The following DSCAM variants were observed in gnomAD, a reference collection of about 807,000 sequenced individuals.
DSCAM encodes cell adhesion molecule DSCAM.
DSCAM carries 47 observed loss-of-function variants against 217.7 expected under a neutral mutation model. That is an observed-to-expected ratio of 0.22 (90% CI 0.17 to 0.28). The LOEUF is 0.28. Among genes scored for constraint, DSCAM ranks in the 10% least tolerant of loss-of-function variants. DSCAM has a pLI of 1.00. For synonymous variants in DSCAM, 1,056 were observed against 1,015.3 expected, an observed-to-expected ratio of 1.04 and a Z score of -0.76; for missense variants, 2,080 against 2,618.3, an observed-to-expected ratio of 0.79 and a Z score of 4.49.
intron 3 of DSCAM, among the ~76,000 whole-genome samples, chr21:40,521,308 T>C (rs1343048442): frequency 6.6e-6 from 1 of 152,226 alleles, no homozygotes; most frequent in Non-Finnish European, 1.5e-5. Context: ...GTAGGTCCAC[T>C]TTTAGTTTTT....
chr21:40,139,645 G>A (rs1379598101), intron 18 of DSCAM, among the ~76,000 whole-genome samples: 1 of 151,930 alleles, frequency 6.6e-6, no homozygotes, highest in Non-Finnish European at 1.5e-5. Flanking sequence ...TTTCATAGGT[G>A]TATGTGGTGT....
chr21:40,111,291 C>A (rs950287039), intron 20 of DSCAM, among the ~76,000 whole-genome samples: 18 of 151,942 alleles, frequency 1.2e-4, no homozygotes, highest in Non-Finnish European at 8.8e-5. Flanking sequence ...ATTTTCAACC[C>A]AGAATTTCAT....
intron 3 of DSCAM, among the ~76,000 whole-genome samples, chr21:40,392,453 T>C (rs987390639): frequency 2.0e-5 from 3 of 152,184 alleles, no homozygotes; most frequent in African/African-American, 7.2e-5. Context: ...TAGAAAATGG[T>C]ACTCCTGTAA....
intron 11 of DSCAM, among the ~76,000 whole-genome samples, chr21:40,202,163 C>T (rs1001700778): frequency 8.5e-5 from 13 of 152,144 alleles, no homozygotes; most frequent in African/African-American, 2.9e-4. Flanking sequence ...AATAGCCTGC[C>T]AACAACCCTG....
At chr21:40,571,026 CAACAT>C (rs947579435) in intron 3 of DSCAM, among the ~76,000 whole-genome samples, 1 of 151,746 alleles carries the variant, frequency 6.6e-6, no homozygotes, top group Non-Finnish European at 1.5e-5. Context: ...TAGCAAACCA[CAACAT>C]AAGATTTTAA....
At chr21:40,269,966 A>T (rs1004949324) in intron 11 of DSCAM, among the ~76,000 whole-genome samples, 4 of 152,224 alleles carry the variant, frequency 2.6e-5, no homozygotes, top group African/African-American at 9.6e-5. Context: ...TTTTTAGCAC[A>T]GAGAAAGGAG....
At chr21:40,453,690 CTTCTT>C (rs1459428534) in intron 3 of DSCAM, among the ~76,000 whole-genome samples, 8 of 152,330 alleles carry the variant, frequency 5.3e-5, no homozygotes, top group South Asian at 2.1e-4. Context: ...TGCTACAACT[CTTCTT>C]TTAAGAACAG....
chr21:40,339,525 C>T, intron 6 of DSCAM, 110 bp from the exon 7 acceptor site: 1 of 1,135,738 alleles, frequency 8.8e-7, no homozygotes, highest in South Asian at 1.6e-5. Context: ...TTAAACATTA[C>T]CAAAAAGGTC....
intron 32 of DSCAM, among the ~76,000 whole-genome samples, chr21:40,041,671 G>A (rs2088752812): frequency 6.6e-6 from 1 of 152,084 alleles, no homozygotes; most frequent in South Asian, 2.1e-4. Context: ...TCACAACCCG[G>A]ACGATTCACA....
intron 16 of DSCAM, among the ~76,000 whole-genome samples, chr21:40,163,620 C>A (rs756202021): frequency 3.7e-4 from 56 of 152,028 alleles, no homozygotes; most frequent in Non-Finnish European, 6.0e-4. Flanking sequence ...TCTTGAATAT[C>A]TTTCTATGGG....
At chr21:40,578,309 G>A (rs970432186) in intron 3 of DSCAM, among the ~76,000 whole-genome samples, 6 of 152,306 alleles carry the variant, frequency 3.9e-5, no homozygotes, top group Non-Finnish European at 7.3e-5. Context: ...CTTCTGGGTA[G>A]GGTGGGGACT....
chr21:40,710,103 T>G (rs2090762807), intron 1 of DSCAM, among the ~76,000 whole-genome samples: 1 of 152,230 alleles, frequency 6.6e-6, no homozygotes, highest in Non-Finnish European at 1.5e-5. Context: ...TGATGAGCTT[T>G]TTTTCACGTT....
chr21:40,549,482 T>C (rs1391852440), intron 3 of DSCAM, among the ~76,000 whole-genome samples: 2 of 152,180 alleles, frequency 1.3e-5, no homozygotes, highest in African/African-American at 4.8e-5. Context: ...CAGTGGTCCT[T>C]ACACTACCTT....
rs139673647 is a variant in DSCAM, at chr21:40,077,740, A to G, written c.4711+947T>C. On this transcript the variant is annotated intron_variant, in intron 26 of 32. Transcript: ENST00000400454. ...CAACGTGGTCTTGGCTTGGCTGTCAATAAAGGGTTTGGGTGTTTCTTGGTT... is the reference window on the plus strand; with the variant it reads ...CAACGTGGTCTTGGCTTGGCTGTCAGTAAAGGGTTTGGGTGTTTCTTGGTT... Among the ~76,000 whole-genome samples the G allele has an allele frequency of 1.1e-3, 171 of 152,320 alleles. 1 individual carries two copies. Among genetic ancestry groups the G allele is most frequent in the African/African-American group, 3.9e-3 (161 of 41,564 alleles).
Position 40,016,813 on chromosome 21 carries a change from T to C in DSCAM, c.5687-3427A>G, listed in dbSNP as rs1040289030. Among the ~76,000 whole-genome samples the C allele has an allele frequency of 5.3e-5, 8 of 152,112 alleles. No individual in the cohort carries two copies. The highest frequency in any genetic ancestry group is 1.7e-4 in the African/African-American group (7 of 41,412). On this transcript the variant is annotated intron_variant, in intron 32 of 32. Transcript: ENST00000400454. This position sits in a 1 kb window ranked among gnomAD's most constrained non-coding sequence, Gnocchi z 4.3. ...ACCCACAGAAAAAGAACAACCAGCA[T>C]AACAGAAGGAAAGGACTATTCAAGA...
chr21:40,614,147 G>A (rs2089354475), intron 3 of DSCAM, among the ~76,000 whole-genome samples: 2 of 152,212 alleles, frequency 1.3e-5, no homozygotes, highest in Admixed American at 6.5e-5. Flanking sequence ...CCTGCTGAGT[G>A]CAGCCCCAGG....
intron 3 of DSCAM, among the ~76,000 whole-genome samples, chr21:40,459,213 T>C (rs1225182831): frequency 6.6e-6 from 1 of 152,100 alleles, no homozygotes; most frequent in Non-Finnish European, 1.5e-5. Flanking sequence ...AATTAGATTG[T>C]TGATTAAACT....
intron 3 of DSCAM, among the ~76,000 whole-genome samples, chr21:40,658,522 A>G (rs935184902): frequency 2.6e-5 from 4 of 152,212 alleles, no homozygotes; most frequent in Admixed American, 2.0e-4. Flanking sequence ...AATCCTCACC[A>G]TGGGGCGTCC....
intron 3 of DSCAM, among the ~76,000 whole-genome samples, chr21:40,503,377 G>A (rs906919158): frequency 1.3e-5 from 2 of 152,218 alleles, no homozygotes; most frequent in African/African-American, 4.8e-5. Flanking sequence ...TCTTATGGAT[G>A]CATCTGACCA....
Sources: allele counts gnomAD v4.1 joint callset (sites outside exome capture counted in the v4.1 genomes callset), GRCh38; gene constraint gnomAD v4.1.1; non-coding constraint Gnocchi (gnomAD v3.1); transcripts MANE v1.5; gene names NCBI Gene and HGNC (gene_info 2026-07-23, HGNC 2026-07-21).